Variants in ARFGEF1 observed in about 807,000 individuals in gnomAD.
The protein encoded by ARFGEF1 is brefeldin A-inhibited guanine nucleotide-exchange protein 1.
A neutral mutation model predicts 231.0 loss-of-function variants in ARFGEF1; 42 were observed. The observed-to-expected ratio is 0.18, with a 90% CI of 0.14 to 0.24. ARFGEF1 has a LOEUF of 0.24. Among genes scored for constraint, ARFGEF1 ranks in the 10% least tolerant of loss-of-function variants. ARFGEF1 has a pLI of 1.00. For missense variants in ARFGEF1, 1,345 were observed against 2,192.0 expected (o/e 0.61, Z 7.72); for synonymous variants, 710 against 732.3 (o/e 0.97, Z 0.49).
At chr8:67,218,210 AT>A (rs1563843419) in intron 30 of ARFGEF1, 72 bp from the exon 31 acceptor site, 1,450 of 96,310 alleles carry the variant, frequency 0.015, 22 homozygotes, top group Admixed American at 0.033. Context: ...AAAAAAAAAT[AT>A]ATATATATAT....
chr8:67,318,690 T>C (rs1269449727), intron 1 of ARFGEF1, among the ~76,000 whole-genome samples: 1 of 152,170 alleles, frequency 6.6e-6, no homozygotes, highest in Non-Finnish European at 1.5e-5. Flanking sequence ...AAAAATACTA[T>C]CTACAGCCAG....
At position 67,301,290 on chromosome 8, in the gene ARFGEF1, CAAG is replaced by C. The variant is rs766724442; in HGVS notation, c.243_245del (p.Phe81del). On this transcript the variant is annotated inframe_deletion, in exon 3 of 39. Transcript: ENST00000262215. ...TGGACTGGCATGCCAACTCAAAAGG[CAAG>C]AAGTACTTGTCTGCTTCAATAAAAT... 1.2e-6 allele frequency: 2 copies of C among 1,614,030 alleles called. No homozygotes were observed. The highest frequency in any genetic ancestry group is 2.2e-5 in the South Asian group (2 of 91,070).
Position 67,238,472 on chromosome 8 carries a change from A to G in ARFGEF1, c.3160T>C (p.Leu1054=), listed in dbSNP as rs200249463. 1.2e-5 allele frequency: 19 copies of G among 1,610,946 alleles called. No homozygotes were observed. The highest frequency in any genetic ancestry group is 2.2e-5 in the East Asian group (1 of 44,840). ...GTTCCTATAAGCTGTGCCAGCTCCA[A>G]CTGACTGATGCACTTCAGAATCTTA... is the stretch of plus-strand genomic sequence containing the variant. The part of the protein sequence containing the change: ...WHEILKCISQ[L]ELAQLIGTGV... Residue 1054 remains leucine, a synonymous_variant, in exon 22 of 39, where the codon TTG becomes CTG. Coordinates refer to ENST00000262215, the MANE Select transcript of ARFGEF1 (RefSeq NM_006421.5).
intron 19 of ARFGEF1, among the ~76,000 whole-genome samples, chr8:67,243,070 C>A (rs1839979932): frequency 6.6e-6 from 1 of 152,268 alleles, no homozygotes; most frequent in East Asian, 1.9e-4. Flanking sequence ...TATCTCTGGA[C>A]CTGCCTGGAA....
In ARFGEF1 at chr8:67,301,321, G is replaced by A. The variant is rs756451699; in HGVS notation, c.215C>T (p.Thr72Ile). 17 of 1,614,010 alleles carry A rather than the reference G, an allele frequency of 1.1e-5. No individual in the cohort carries two copies. The Admixed American group carries it at 1.5e-4, about 14-fold the overall frequency. Reference protein sequence around the residue: ...SSTLPPVKSKTNFIEADKYFL... With the variant: ...SSTLPPVKSKINFIEADKYFL... ...GTACTTGTCTGCTTCAATAAAATTT[G>A]TCTTTGATTTCACTGGTGGAAGGGT... Residue 72 changes from threonine (T) to isoleucine (I), a missense_variant, in exon 3 of 39, where the codon ACA becomes ATA. Coordinates refer to ENST00000262215, the MANE Select transcript of ARFGEF1 (RefSeq NM_006421.5).
intron 6 of ARFGEF1, among the ~76,000 whole-genome samples, chr8:67,289,506 G>A (rs758199279): frequency 8.3e-6 from 1 of 121,008 alleles, no homozygotes; most frequent in East Asian, 2.9e-4. Context: ...CCATGATTGT[G>A]TAATTGCACT....
chr8:67,211,507 C>A lies in ARFGEF1; in HGVS notation c.4795G>T (p.Val1599Phe). 1 of 1,583,624 alleles carries A rather than the reference C, an allele frequency of 6.3e-7. No individual in the cohort carries two copies. The highest frequency in any genetic ancestry group is 8.6e-7 in the Non-Finnish European group (1 of 1,168,616). ...LVSASAVNEE[V>F]SKIKSTAKFP... Reference sequence around the variant, plus strand: ...CTTGCTGTAGATTTAATTTTGCTGACTTCTTCATTAACAGCAGACGCAGAA... The same window carrying A: ...CTTGCTGTAGATTTAATTTTGCTGAATTCTTCATTAACAGCAGACGCAGAA... Residue 1599 changes from valine (V) to phenylalanine (F), a missense_variant, in exon 34 of 39, where the codon GTC becomes TTC. Around this residue, in one of 14 missense-constraint regions of ARFGEF1, gnomAD observed 89 missense variants for 74.8 expected, o/e 1.19. Coordinates refer to ENST00000262215, the MANE Select transcript of ARFGEF1 (RefSeq NM_006421.5).
intron 23 of ARFGEF1, among the ~76,000 whole-genome samples, chr8:67,232,129 A>G (rs1839574056): frequency 6.6e-6 from 1 of 152,048 alleles, no homozygotes; most frequent in Non-Finnish European, 1.5e-5. Flanking sequence ...GATCAGCATG[A>G]GTTTCCAGAC....
chr8:67,284,699 T>C (rs1010881312), intron 7 of ARFGEF1, among the ~76,000 whole-genome samples: 1 of 152,108 alleles, frequency 6.6e-6, no homozygotes, highest in African/African-American at 2.4e-5. Context: ...GGACGTGAAG[T>C]AGAACTACAA....
chr8:67,318,239 G>GAAAAAAA (rs34563091), intron 1 of ARFGEF1, among the ~76,000 whole-genome samples: 3 of 78,186 alleles, frequency 3.8e-5, no homozygotes, highest in African/African-American at 4.8e-5. Flanking sequence ...TCCGTCTCAA[G>GAAAAAAA]AAAAAAAAAA....
intron 17 of ARFGEF1, among the ~76,000 whole-genome samples, chr8:67,254,866 T>C (rs1397192537): frequency 6.6e-6 from 1 of 151,726 alleles, no homozygotes; most frequent in African/African-American, 2.4e-5. Context: ...AAAACCCTAC[T>C]ATCTTATAAC....
At chr8:67,182,328 T>A (rs1269224286) in intron 5 of ARFGEF1, among the ~76,000 whole-genome samples, 1 of 151,108 alleles carries the variant, frequency 6.6e-6, no homozygotes, top group African/African-American at 2.5e-5. Context: ...TTTTTTTTTT[T>A]ATGCTGTGAA....
chr8:67,340,242 G>A (rs115522910), intron 1 of ARFGEF1, among the ~76,000 whole-genome samples: 150 of 152,324 alleles, frequency 9.8e-4, no homozygotes, highest in African/African-American at 3.4e-3. Flanking sequence ...CCCTTCAGCT[G>A]TATGCTCAAT....
intron 33 of ARFGEF1, among the ~76,000 whole-genome samples, chr8:67,213,873 C>T (rs1361928753): frequency 2.0e-5 from 3 of 152,338 alleles, no homozygotes; most frequent in Admixed American, 6.5e-5. Context: ...TCCACAATCA[C>T]GTAAGCCAGT....
chr8:67,275,307 T>C (rs931920550), intron 9 of ARFGEF1, among the ~76,000 whole-genome samples: 1 of 152,012 alleles, frequency 6.6e-6, no homozygotes, highest in African/African-American at 2.4e-5. Context: ...TTAGTTACAT[T>C]TGAATCACGA....
chr8:67,257,789 T>C lies in ARFGEF1; in HGVS notation c.2469A>G (p.Thr823=), dbSNP rs746890389. ...TAATTGAATAAGCCAAAACATAAGC[T>C]GTATCCGCACTAGCAAAGAGAGTTT... ...QGQTLFASAD[T]AYVLAYSIIM... The change falls in exon 17 of 39, where the codon ACA becomes ACG. Residue 823 remains threonine (T), a synonymous_variant. Transcript: ENST00000262215. The C allele has an allele frequency of 1.9e-6, 3 of 1,610,922 alleles. No individual in the cohort carries two copies. The highest frequency in any genetic ancestry group is 2.5e-6 in the Non-Finnish European group (3 of 1,179,198).
intron 1 of ARFGEF1, among the ~76,000 whole-genome samples, chr8:67,337,634 T>C (rs916443737): frequency 2.9e-4 from 43 of 148,162 alleles, no homozygotes; most frequent in Non-Finnish European, 2.1e-4. Context: ...CAAGCACACA[T>C]CCATCTTGCT....
rs775031548 is a variant in ARFGEF1, at chr8:67,266,082, T to A, written c.2047A>T (p.Met683Leu). 1.9e-6 allele frequency: 3 copies of A among 1,613,912 alleles called. No homozygotes were observed. Among genetic ancestry groups the A allele is most frequent in the Non-Finnish European group, 1.7e-6 (2 of 1,179,850 alleles). ...SSGIGSYSTQ[M>L]SGTDNPEQFE... ...TGTTCTGGATTATCAGTGCCAGACA[T>A]CTGTGTACTGTAGCTGCCTATTCCT... The change falls in exon 14 of 39, where the codon ATG (methionine) becomes TTG (leucine). Residue 683 changes from methionine to leucine, a missense_variant. By Grantham distance (15) the Met-to-Leu change is conservative. Transcript: ENST00000262215.
intron 22 of ARFGEF1, among the ~76,000 whole-genome samples, chr8:67,236,335 A>AGAT (rs1839737897): frequency 1.7e-5 from 2 of 115,748 alleles, no homozygotes; most frequent in African/African-American, 7.6e-5. Flanking sequence ...AAAAAAAAAA[A>AGAT]AAAAGATATT....
Sources: gnomAD v4.1 joint callset for allele counts (sites outside exome capture counted in the v4.1 genomes callset) on GRCh38, gnomAD v4.1.1 for gene constraint, gnomAD v4.1.1 regional missense constraint, MANE v1.5 for transcripts, NCBI Gene and HGNC (gene_info 2026-07-23, HGNC 2026-07-21) for gene names.